Variants in FYB2 observed in about 807,000 individuals in gnomAD.
FYB2 encodes FYN binding protein 2, also known as FYN-binding protein 2.
In FYB2, 103 loss-of-function variants were observed where a neutral mutation model predicts 94.1. The observed-to-expected ratio is 1.09, with a 90% CI of 0.93 to 1.29. FYB2 has a LOEUF of 1.29. Ranked by LOEUF, FYB2 falls within the 50% of genes most tolerant of loss-of-function variation. The pLI is 0.00. For missense variants in FYB2, 896 were observed against 841.5 expected (o/e 1.06, Z -0.80); for synonymous variants, 293 against 287.9 (o/e 1.02, Z -0.18).
chr1:56,825,886 T>G, the FYB2 span, among the ~76,000 whole-genome samples: 9 of 152,170 alleles, frequency 5.9e-5, no homozygotes, highest in South Asian at 2.1e-4. Context: ...ATTTAATCAA[T>G]GATCTGACCC....
intron 6 of FYB2, among the ~76,000 whole-genome samples, chr1:56,758,041 A>G (rs2100746637): frequency 6.6e-6 from 1 of 151,792 alleles, no homozygotes. Context: ...GGCCTCCCAA[A>G]GTGCTAGGCT....
At chr1:56,768,069 G>A (rs975456927) in intron 4 of FYB2, 131 bp from the exon 5 acceptor site, 5 of 629,948 alleles carry the variant, frequency 7.9e-6, no homozygotes, top group African/African-American at 7.4e-5. Flanking sequence ...TATATGGGAG[G>A]CACACTACCC....
chr1:56,751,312 C>T, intron 8 of FYB2, 109 bp from the exon 9 acceptor site: 1 of 1,160,956 alleles, frequency 8.6e-7, no homozygotes, highest in East Asian at 2.6e-5. Context: ...AATTATTTAT[C>T]ATTTATTTAA....
chr1:56,742,746 G>T (rs957961872), intron 11 of FYB2, among the ~76,000 whole-genome samples: 4 of 151,956 alleles, frequency 2.6e-5, no homozygotes, highest in African/African-American at 9.7e-5. Flanking sequence ...GGATTTTTAG[G>T]TTCAAAACTC....
At chr1:56,750,299 A>G (rs17114246) in intron 9 of FYB2, among the ~76,000 whole-genome samples, 13,983 of 152,128 alleles carry the variant, frequency 0.092, 825 homozygotes, top group East Asian at 0.23. Context: ...TTTGCACATG[A>G]AAGTAAGTAC....
chr1:56,764,341 T>C (rs557836439), intron 5 of FYB2, among the ~76,000 whole-genome samples: 4 of 152,282 alleles, frequency 2.6e-5, no homozygotes, highest in African/African-American at 9.6e-5. Context: ...CTCTTCTCTT[T>C]CCAGAAGTCT....
In FYB2 at chr1:56,819,342, G is replaced by A. The variant is rs913543097; in HGVS notation, c.-52C>T. 1.2e-6 allele frequency: 2 copies of A among 1,612,874 alleles called. No homozygotes were observed. The highest frequency in any genetic ancestry group is 1.7e-6 in the Non-Finnish European group (2 of 1,179,208). On this transcript the variant is annotated 5_prime_UTR_variant, in exon 1 of 20. Coordinates refer to ENST00000343433, the MANE Select transcript of FYB2 (RefSeq NM_001004303.5). ...AAACAAGCCCAGCCTCTCAGAGCTG[G>A]GTCCTGGGGCCAACAATCCGCTTTC...
intron 15 of FYB2, among the ~76,000 whole-genome samples, chr1:56,735,190 A>G (rs1372809848): frequency 6.6e-6 from 1 of 152,146 alleles, no homozygotes; most frequent in Non-Finnish European, 1.5e-5. Context: ...TGCAATAGCC[A>G]ACATATGGAA....
At chr1:56,729,413 C>A (rs1337672589) in intron 15 of FYB2, among the ~76,000 whole-genome samples, 4 of 151,988 alleles carry the variant, frequency 2.6e-5, no homozygotes, top group Non-Finnish European at 5.9e-5. Context: ...AGGGTTTCAG[C>A]CTGAGCAACT....
At position 56,740,814 on chromosome 1, in the gene FYB2, T is replaced by C. The variant is rs764810298; in HGVS notation, c.1605-19A>G. On this transcript the variant is annotated intron_variant, in intron 12 of 19. Transcript: ENST00000343433. Reference sequence around the variant, plus strand: ...ATCTAAACTGAGAGGAATCACAGGATATAAGTAACATGGCATTTAAGAGAG... The same window carrying C: ...ATCTAAACTGAGAGGAATCACAGGACATAAGTAACATGGCATTTAAGAGAG... 1.3e-6 allele frequency: 2 copies of C among 1,510,816 alleles called. No homozygotes were observed. The highest frequency in any genetic ancestry group is 3.6e-5 in the Admixed American group (2 of 55,042). 93.6% of individuals were successfully genotyped at this position (1,510,816 alleles called of 1,614,324 possible).
chr1:56,770,384 G>C (rs1458227715), intron 4 of FYB2, among the ~76,000 whole-genome samples: 1 of 152,106 alleles, frequency 6.6e-6, no homozygotes, highest in Non-Finnish European at 1.5e-5. Flanking sequence ...AGCTGTTTTA[G>C]AGGATAGAAA....
intron 2 of FYB2, among the ~76,000 whole-genome samples, chr1:56,790,502 T>C (rs758322351): frequency 6.6e-6 from 1 of 152,198 alleles, no homozygotes; most frequent in South Asian, 2.1e-4. Context: ...TGGTAGATAA[T>C]ACATTCTTCT....
intron 9 of FYB2, among the ~76,000 whole-genome samples, chr1:56,749,764 T>C (rs1406102873): frequency 6.6e-6 from 1 of 152,002 alleles, no homozygotes; most frequent in African/African-American, 2.4e-5. Flanking sequence ...AGGGGATTAT[T>C]TGAAATCTGG....
chr1:56,783,452 A>C (rs1646054645), intron 4 of FYB2, among the ~76,000 whole-genome samples: 1 of 152,226 alleles, frequency 6.6e-6, no homozygotes, highest in East Asian at 1.9e-4. Context: ...ATGTATATAT[A>C]GAAATACAGC....
At chr1:56,750,765 A>G (rs549207426) in intron 9 of FYB2, among the ~76,000 whole-genome samples, 1 of 152,088 alleles carries the variant, frequency 6.6e-6, no homozygotes, top group South Asian at 2.1e-4. Flanking sequence ...GGTCCATATT[A>G]TGATGATCTC....
intron 3 of FYB2, 175 bp downstream of exon 3, chr1:56,788,798 A>G (rs529852527): frequency 9.2e-6 from 8 of 870,452 alleles, no homozygotes; most frequent in African/African-American, 1.7e-5. Flanking sequence ...TAAAGGGCCA[A>G]TTCCCACAGA....
chr1:56,760,541 T>C (rs1429479977), intron 5 of FYB2, among the ~76,000 whole-genome samples: 1 of 152,182 alleles, frequency 6.6e-6, no homozygotes, highest in Non-Finnish European at 1.5e-5. Flanking sequence ...GTGATACAGT[T>C]TGCCCAATAT....
At chr1:56,795,948 C>T in intron 1 of FYB2, among the ~76,000 whole-genome samples, 1 of 152,172 alleles carries the variant, frequency 6.6e-6, no homozygotes, top group East Asian at 1.9e-4. Flanking sequence ...TATCTACATA[C>T]AGACCAAACA....
intron 1 of FYB2, among the ~76,000 whole-genome samples, chr1:56,794,783 G>A (rs752543341): frequency 7.2e-5 from 11 of 152,082 alleles, no homozygotes; most frequent in Non-Finnish European, 2.9e-5. Flanking sequence ...CATGAAATCA[G>A]GAGATCTGAG....
Sources: gnomAD v4.1 joint callset for allele counts (sites outside exome capture counted in the v4.1 genomes callset) on GRCh38, gnomAD v4.1.1 for gene constraint, MANE v1.5 for transcripts, NCBI Gene and HGNC (gene_info 2026-07-23, HGNC 2026-07-21) for gene names.